DNAJB14: variants seen among roughly 807,000 people sequenced by gnomAD.
The protein encoded by DNAJB14 is dnaJ homolog subfamily B member 14.
A neutral mutation model predicts 48.4 loss-of-function variants in DNAJB14; 22 were observed. That is an observed-to-expected ratio of 0.45 (90% CI 0.32 to 0.65). The LOEUF is 0.65. Ranked by LOEUF, DNAJB14 falls within the 30% of genes least tolerant of loss-of-function variation. The pLI is 0.03. For missense variants in DNAJB14, 319 were observed against 458.8 expected (o/e 0.70, Z 2.78); for synonymous variants, 142 against 158.7 (o/e 0.89, Z 0.79).
intron 7 of DNAJB14, among the ~76,000 whole-genome samples, chr4:99,902,625 G>A (rs1725332976): frequency 6.6e-6 from 1 of 150,800 alleles, no homozygotes; most frequent in South Asian, 2.1e-4. Context: ...GGGAGATGAT[G>A]ATAATTGCTG....
rs564408694 is a variant in DNAJB14 at position 99,913,519 on chromosome 4, A to C, written c.452-4623T>G. ...GAATTGACTTTGCTACCTTGAAATA[A>C]ACTTCTATTGTTTGGGGTATATAAT... On this transcript the variant is annotated intron_variant, in intron 3 of 7. Transcript: ENST00000442697. Among the ~76,000 whole-genome samples, 9 of 152,142 alleles carry C rather than the reference A, an allele frequency of 5.9e-5. No individual in the cohort carries two copies. The South Asian group carries it at 1.9e-3, about 32-fold the overall frequency.
intron 7 of DNAJB14, 116 bp from the exon 8 acceptor site, chr4:99,901,268 A>G (rs1474863024): frequency 1.0e-6 from 1 of 999,726 alleles, no homozygotes; most frequent in East Asian, 3.0e-5. Flanking sequence ...CTGACTTAAA[A>G]AAAATCAAAG....
intron 1 of DNAJB14, among the ~76,000 whole-genome samples, chr4:99,931,692 G>A (rs575769632): frequency 6.6e-6 from 1 of 151,600 alleles, no homozygotes; most frequent in East Asian, 1.9e-4. Flanking sequence ...ATTATCGCTA[G>A]ACCATAGAGT....
At chr4:99,909,895 A>C (rs1031233984) in intron 3 of DNAJB14, among the ~76,000 whole-genome samples, 1 of 152,054 alleles carries the variant, frequency 6.6e-6, no homozygotes, top group African/African-American at 2.4e-5. Context: ...TTTGAATCTA[A>C]AACTAAGAAC....
chr4:99,919,885 G>A (rs979625565), intron 3 of DNAJB14, among the ~76,000 whole-genome samples: 3 of 152,116 alleles, frequency 2.0e-5, no homozygotes, highest in Admixed American at 6.5e-5. Flanking sequence ...TTTAACCATA[G>A]AAATCATGCT....
chr4:99,902,273 G>A (rs930755113), intron 7 of DNAJB14, among the ~76,000 whole-genome samples: 1 of 151,492 alleles, frequency 6.6e-6, no homozygotes, highest in Non-Finnish European at 1.5e-5. Flanking sequence ...ATTGTAGGAT[G>A]TTTAGCAGCA....
At chr4:99,921,642 A>T (rs1172190454) in intron 3 of DNAJB14, among the ~76,000 whole-genome samples, 1 of 152,210 alleles carries the variant, frequency 6.6e-6, no homozygotes, top group Non-Finnish European at 1.5e-5. Flanking sequence ...ATTTTAAATT[A>T]AATTTGTGGA....
chr4:99,919,614 A>C (rs905266731), intron 3 of DNAJB14, among the ~76,000 whole-genome samples: 1 of 124,752 alleles, frequency 8.0e-6, no homozygotes, highest in Non-Finnish European at 1.7e-5. Context: ...AACAAACAAA[A>C]ACCTAAGCAA....
intron 3 of DNAJB14, among the ~76,000 whole-genome samples, chr4:99,912,396 A>T (rs1057185923): frequency 6.6e-6 from 1 of 152,170 alleles, no homozygotes; most frequent in African/African-American, 2.4e-5. Flanking sequence ...TTTTAGAATA[A>T]AACTTGTTTC....
At chr4:99,917,533 T>C (rs1289930598) in intron 3 of DNAJB14, among the ~76,000 whole-genome samples, 1 of 152,228 alleles carries the variant, frequency 6.6e-6, no homozygotes, top group Non-Finnish European at 1.5e-5. Context: ...GGTTTCAACA[T>C]ATGAACTTTG....
chr4:99,931,072 C>G (rs927748050), intron 1 of DNAJB14, among the ~76,000 whole-genome samples: 10 of 152,148 alleles, frequency 6.6e-5, no homozygotes, highest in African/African-American at 2.4e-4. Flanking sequence ...GAGTTATGCA[C>G]TAATTTCCCA....
chr4:99,925,808 G>A (rs1726230097), intron 2 of DNAJB14: 1 of 152,080 alleles, frequency 6.6e-6, no homozygotes, highest in African/African-American at 2.4e-5. Context: ...AACAGAGAAA[G>A]GAAGGGCAGG....
At chr4:99,915,687 A>T (rs577744725) in intron 3 of DNAJB14, among the ~76,000 whole-genome samples, 1 of 152,146 alleles carries the variant, frequency 6.6e-6, no homozygotes, top group Admixed American at 6.5e-5. Flanking sequence ...GCACTTGAAA[A>T]GAATTTGTAG....
chr4:99,905,954 C>T, intron 5 of DNAJB14: 1 of 1,304,196 alleles, frequency 7.7e-7, no homozygotes, highest in South Asian at 1.6e-5. Flanking sequence ...GTCTTCATTT[C>T]TTTCTCTTTC....
Position 99,899,253 on chromosome 4 carries a change from A to AT in DNAJB14, c.*1774dup, listed in dbSNP as rs1029848685. ...AAAATTAGAAAAATAAATAGATGAA[A>AT]TTTTTTTCATTCAAATTTTCATAAA... On this transcript the variant is annotated 3_prime_UTR_variant, in exon 8 of 8. Transcript: ENST00000442697. 2 of 151,782 alleles carry AT rather than the reference A, an allele frequency of 1.3e-5. No homozygotes were observed. Among genetic ancestry groups the AT allele is most frequent in the African/African-American group, 2.4e-5 (1 of 41,374 alleles). The allele number at this position is 151,782 out of a possible 1,614,324, so 9.4% of individuals were successfully genotyped here.
chr4:99,917,393 A>G (rs932710663), intron 3 of DNAJB14, among the ~76,000 whole-genome samples: 2 of 152,176 alleles, frequency 1.3e-5, no homozygotes, highest in African/African-American at 4.8e-5. Flanking sequence ...AGATCAAGAC[A>G]CTGGCAGACT....
intron 1 of DNAJB14, among the ~76,000 whole-genome samples, chr4:99,935,693 C>G (rs1159649390): frequency 8.3e-6 from 1 of 120,388 alleles, no homozygotes; most frequent in Non-Finnish European, 1.7e-5. Context: ...TATTAGGCTT[C>G]TTCCTTTCCC....
intron 2 of DNAJB14, chr4:99,927,346 T>C (rs1339083986): frequency 1.3e-5 from 2 of 152,210 alleles, no homozygotes; most frequent in Non-Finnish European, 2.9e-5. Flanking sequence ...ATTTAACTAG[T>C]GTTTAAGGAA....
intron 1 of DNAJB14, 78 bp downstream of exon 1, chr4:99,946,361 G>C (rs1294713859): frequency 4.5e-6 from 7 of 1,542,012 alleles, no homozygotes; most frequent in Non-Finnish European, 6.1e-6. Flanking sequence ...CCTCCAGGAG[G>C]GGCCGAGGTG....
Sources: gnomAD v4.1 joint callset for allele counts (sites outside exome capture counted in the v4.1 genomes callset) on GRCh38, gnomAD v4.1.1 for gene constraint, MANE v1.5 for transcripts, NCBI Gene and HGNC (gene_info 2026-07-23, HGNC 2026-07-21) for gene names.